Variants in MDGA2 observed in about 807,000 individuals in gnomAD.
The protein encoded by MDGA2 is MAM domain-containing glycosylphosphatidylinositol anchor protein 2.
MDGA2 carries 40 observed loss-of-function variants against 117.8 expected under a neutral mutation model. The observed-to-expected ratio is 0.34, with a 90% CI of 0.26 to 0.44. MDGA2 has a LOEUF of 0.44. Among genes scored for constraint, MDGA2 ranks in the 20% least tolerant of loss-of-function variants. The pLI is 1.00. For synonymous variants in MDGA2, 452 were observed against 439.0 expected (o/e 1.03, Z -0.37); for missense variants, 1,123 against 1,250.6 (o/e 0.90, Z 1.54).
chr14:47,446,516 T>G (rs1893125808), intron 1 of MDGA2, among the ~76,000 whole-genome samples: 1 of 152,022 alleles, frequency 6.6e-6, no homozygotes, highest in African/African-American at 2.4e-5. Flanking sequence ...TAGAAATATT[T>G]TGGTGGGTGG....
At chr14:47,475,567 A>C in intron 1 of MDGA2, among the ~76,000 whole-genome samples, 1 of 152,194 alleles carries the variant, frequency 6.6e-6, no homozygotes, top group Middle Eastern at 3.2e-3. Context: ...AAAGACATGG[A>C]ATCAACGCAA....
At chr14:47,304,954 C>T (rs1329191142) in intron 1 of MDGA2, among the ~76,000 whole-genome samples, 1 of 152,116 alleles carries the variant, frequency 6.6e-6, no homozygotes, top group Non-Finnish European at 1.5e-5. Context: ...TCTTTTCTTC[C>T]ATGAGGTATG....
Position 46,924,810 on chromosome 14 carries a change from A to T in MDGA2, c.2090-4650T>A, listed in dbSNP as rs558493593. Among the ~76,000 whole-genome samples the T allele has an allele frequency of 5.3e-5, 8 of 152,184 alleles. No homozygotes were observed. In the East Asian group the frequency reaches 1.5e-3, roughly 29 times the overall value. ...GAAATTATGCCAAACCTCTTTTTAG[A>T]TGTATGTTTGCAAGCAAGAAAAAGA... On this transcript the variant is annotated intron_variant, in intron 9 of 16. Transcript: ENST00000399232.
At chr14:46,923,209 C>T (rs562743992) in intron 9 of MDGA2, among the ~76,000 whole-genome samples, 2 of 152,070 alleles carry the variant, frequency 1.3e-5, no homozygotes. Flanking sequence ...CACTATAAAA[C>T]GTTATCTTTA....
intron 8 of MDGA2, among the ~76,000 whole-genome samples, chr14:46,959,528 A>G (rs1303297882): frequency 1.3e-5 from 2 of 151,226 alleles, no homozygotes; most frequent in Admixed American, 1.3e-4. Flanking sequence ...AAGTCTGTCA[A>G]TCTTTTTTTA....
chr14:46,974,797 T>C (rs1886394848), intron 8 of MDGA2, among the ~76,000 whole-genome samples: 1 of 152,088 alleles, frequency 6.6e-6, no homozygotes, highest in Non-Finnish European at 1.5e-5. Context: ...CTTCATGACA[T>C]GGAATTTGGC....
chr14:47,639,843 C>G (rs1353619733), intron 1 of MDGA2, among the ~76,000 whole-genome samples: 1 of 152,106 alleles, frequency 6.6e-6, no homozygotes, highest in Non-Finnish European at 1.5e-5. Context: ...TGGACAATCT[C>G]AAATATCTAT....
chr14:47,386,923 C>T (rs1594830932), intron 1 of MDGA2, among the ~76,000 whole-genome samples: 1 of 152,118 alleles, frequency 6.6e-6, no homozygotes, highest in Non-Finnish European at 1.5e-5. Context: ...ATCTACTTCA[C>T]TGGGTTTTTA....
chr14:46,855,408 G>T lies in MDGA2; in HGVS notation c.2753-254C>A, dbSNP rs1881230670. ...AAAAGGGATTTAAGGATTTTGCAAT[G>T]GGGAGATTATTCTAGATTATTAGGG... On this transcript the variant is annotated intron_variant, in intron 14 of 16. Coordinates refer to ENST00000399232, the MANE Select transcript of MDGA2 (RefSeq NM_001113498.3). This position sits in a 1 kb window ranked among gnomAD's most constrained non-coding sequence, Gnocchi z 4.1. 6.6e-6 allele frequency among the ~76,000 whole-genome samples: 1 copy of T among 152,096 alleles called. No homozygotes were observed. Among genetic ancestry groups the T allele is most frequent in the Non-Finnish European group, 1.5e-5 (1 of 68,002 alleles).
At chr14:47,320,096 A>G (rs1889935050) in intron 1 of MDGA2, among the ~76,000 whole-genome samples, 1 of 152,190 alleles carries the variant, frequency 6.6e-6, no homozygotes, top group Non-Finnish European at 1.5e-5. Context: ...AGCCCTCAGA[A>G]GAAACCAACC....
At chr14:46,931,358 T>C (rs1008490417) in intron 9 of MDGA2, among the ~76,000 whole-genome samples, 39 of 151,986 alleles carry the variant, frequency 2.6e-4, no homozygotes, top group Non-Finnish European at 5.3e-4. Flanking sequence ...TGAAAGAATA[T>C]TTTTAAATTT....
chr14:47,378,714 A>C (rs966175017), intron 1 of MDGA2, among the ~76,000 whole-genome samples: 2 of 152,224 alleles, frequency 1.3e-5, no homozygotes, highest in African/African-American at 4.8e-5. Context: ...ATATGGGACT[A>C]TGTGAAAAGA....
intron 1 of MDGA2, among the ~76,000 whole-genome samples, chr14:47,543,376 C>T (rs953255568): frequency 5.9e-5 from 9 of 152,054 alleles, no homozygotes; most frequent in African/African-American, 1.4e-4. Flanking sequence ...ACATCAGGAA[C>T]GGAGTTCACT....
chr14:47,004,784 G>A (rs1013600442), intron 8 of MDGA2, among the ~76,000 whole-genome samples: 1 of 151,534 alleles, frequency 6.6e-6, no homozygotes, highest in Non-Finnish European at 1.5e-5. Context: ...TAGTGTGCAG[G>A]TCTTTCACAT....
intron 1 of MDGA2, among the ~76,000 whole-genome samples, chr14:47,596,924 A>T (rs1896553727): frequency 6.6e-6 from 1 of 152,116 alleles, no homozygotes; most frequent in Admixed American, 6.6e-5. Context: ...TAACTAATAT[A>T]TCCTGGTAGA....
At chr14:47,354,230 T>C (rs570364552) in intron 1 of MDGA2, among the ~76,000 whole-genome samples, 1 of 152,128 alleles carries the variant, frequency 6.6e-6, no homozygotes, top group African/African-American at 2.4e-5. Context: ...TCTTCTAAGA[T>C]TCAGTGCAAG....
intron 1 of MDGA2, among the ~76,000 whole-genome samples, chr14:47,611,360 G>A (rs1482389053): frequency 4.6e-5 from 7 of 152,054 alleles, no homozygotes; most frequent in African/African-American, 1.7e-4. Flanking sequence ...AAATAGCTGG[G>A]ACTTAATTAA....
rs536632969 is a variant in MDGA2 at position 46,841,733 on chromosome 14, T to C, written c.*198A>G. 2.5e-6 allele frequency: 1 copy of C among 397,730 alleles called. No individual in the cohort carries two copies. The highest frequency in any genetic ancestry group is 2.1e-5 in the African/African-American group (1 of 48,284). 24.6% of individuals were successfully genotyped at this position (397,730 alleles called of 1,614,324 possible). On this transcript the variant is annotated 3_prime_UTR_variant, in exon 17 of 17. Coordinates refer to ENST00000399232, the MANE Select transcript of MDGA2 (RefSeq NM_001113498.3). ...ACTCAGGTCAAGATTATCTTTTATG[T>C]TTAGTCTGGAATAAGTTATACTTCC...
intron 2 of MDGA2, among the ~76,000 whole-genome samples, chr14:47,247,680 A>G (rs955784783): frequency 2.7e-5 from 4 of 148,904 alleles, no homozygotes; most frequent in African/African-American, 1.0e-4. Context: ...TCTGGGATAC[A>G]TGTGCAGAAT....
Sources: allele counts gnomAD v4.1 joint callset (sites outside exome capture counted in the v4.1 genomes callset), GRCh38; gene constraint gnomAD v4.1.1; non-coding constraint Gnocchi (gnomAD v3.1); transcripts MANE v1.5; gene names NCBI Gene and HGNC (gene_info 2026-07-23, HGNC 2026-07-21).